The following SHANK2 variants were observed in gnomAD, a reference collection of about 807,000 sequenced individuals.
The protein encoded by SHANK2 is SH3 and multiple ankyrin repeat domains protein 2.
Under a neutral mutation model 133.7 loss-of-function variants are expected in SHANK2, and 43 were observed. That is an observed-to-expected ratio of 0.32 (90% CI 0.25 to 0.41). The LOEUF (loss-of-function observed/expected upper bound fraction) is 0.41, where lower values mean the gene tolerates loss of function less well. SHANK2 is among the 10% of genes least tolerant of loss of function. The pLI is 1.00. For missense variants in SHANK2, 1,994 were observed against 2,235.8 expected (o/e 0.89, Z 2.18); for synonymous variants, 1,017 against 952.8 (o/e 1.07, Z -1.24).
intron 14 of SHANK2, among the ~76,000 whole-genome samples, chr11:70,713,700 C>T (rs1434022755): frequency 6.6e-6 from 1 of 151,984 alleles, no homozygotes; most frequent in Non-Finnish European, 1.5e-5. Context: ...ACCGGGTGTC[C>T]GTCACAGCGC....
intron 2 of SHANK2, among the ~76,000 whole-genome samples, chr11:71,180,335 G>A (rs1399055089): frequency 6.6e-6 from 1 of 152,176 alleles, no homozygotes; most frequent in Non-Finnish European, 1.5e-5. Flanking sequence ...AAGAGGTACA[G>A]GATAGAAGGA....
chr11:70,624,146 C>T (rs2060871531), intron 17 of SHANK2, among the ~76,000 whole-genome samples: 1 of 152,136 alleles, frequency 6.6e-6, no homozygotes, highest in Non-Finnish European at 1.5e-5. Flanking sequence ...GAGCCTGCAG[C>T]CTCAGGAGGG....
At chr11:70,545,771 G>A (rs1193590447) in intron 17 of SHANK2, among the ~76,000 whole-genome samples, 1 of 152,216 alleles carries the variant, frequency 6.6e-6, no homozygotes, top group African/African-American at 2.4e-5. Context: ...TGCGGGCGAA[G>A]GGCCCAGTCC....
chr11:71,152,096 T>TAAAC (rs1419494925), intron 2 of SHANK2, among the ~76,000 whole-genome samples: 1 of 152,110 alleles, frequency 6.6e-6, no homozygotes, highest in Admixed American at 6.5e-5. Flanking sequence ...GTGAAATTTA[T>TAAAC]AAACATTGGA....
intron 17 of SHANK2, among the ~76,000 whole-genome samples, chr11:70,624,246 C>T (rs2060873119): frequency 6.6e-6 from 1 of 152,100 alleles, no homozygotes; most frequent in South Asian, 2.1e-4. Context: ...GGGCTGTCAC[C>T]TGCATGGTCT....
chr11:70,500,469 C>T lies in SHANK2; in HGVS notation c.2308+101G>A. On this transcript the variant is annotated intron_variant, in intron 21 of 25. Transcript: ENST00000601538. This position sits in a 1 kb window ranked among gnomAD's most constrained non-coding sequence, Gnocchi z 4.5. Reference sequence around the variant, plus strand: ...GACCCAGCAGGAGAAGCCAACAAGGCTTTGCGACACATTTGAGACTTCACG... The same window carrying T: ...GACCCAGCAGGAGAAGCCAACAAGGTTTTGCGACACATTTGAGACTTCACG... 1 of 1,507,754 alleles carries T rather than the reference C, an allele frequency of 6.6e-7. No homozygotes were observed. The highest frequency in any genetic ancestry group is 1.2e-5 in the South Asian group (1 of 83,212). 93.4% of individuals were successfully genotyped at this position (1,507,754 alleles called of 1,614,324 possible). A position where few individuals can be genotyped will look rare whatever the true frequency, so the allele number is the denominator to read the frequency against.
At chr11:70,845,674 G>A (rs995637574) in intron 11 of SHANK2, among the ~76,000 whole-genome samples, 1 of 152,136 alleles carries the variant, frequency 6.6e-6, no homozygotes, top group Non-Finnish European at 1.5e-5. Context: ...ATTGATTGAT[G>A]GAAAGACGAG....
intron 15 of SHANK2, among the ~76,000 whole-genome samples, chr11:70,679,514 G>C (rs782084065): frequency 6.6e-6 from 1 of 152,238 alleles, no homozygotes; most frequent in Non-Finnish European, 1.5e-5. Flanking sequence ...CAGCAGCGGA[G>C]GCTTCCAGCC....
At chr11:70,586,694 C>T (rs1285414907) in intron 17 of SHANK2, among the ~76,000 whole-genome samples, 2 of 152,226 alleles carry the variant, frequency 1.3e-5, no homozygotes, top group African/African-American at 4.8e-5. Context: ...ATTTCCTTCC[C>T]TTATTTATAT....
At chr11:70,653,452 AT>A (rs2061363677) in intron 17 of SHANK2, among the ~76,000 whole-genome samples, 1 of 144,294 alleles carries the variant, frequency 6.9e-6, no homozygotes, top group African/African-American at 2.6e-5. Context: ...AAACATATAT[AT>A]TTTTTTCAAG....
chr11:70,551,766 G>A (rs1473159119), intron 17 of SHANK2, among the ~76,000 whole-genome samples: 1 of 152,278 alleles, frequency 6.6e-6, no homozygotes, highest in Admixed American at 6.5e-5. Flanking sequence ...ACCTGGGGAT[G>A]TGGTGTCTCT....
chr11:70,497,423 G>C (rs536321528), intron 21 of SHANK2, among the ~76,000 whole-genome samples: 103 of 152,308 alleles, frequency 6.8e-4, no homozygotes, highest in African/African-American at 2.5e-3. Flanking sequence ...TGAATTGTTC[G>C]GTGACAGAAA....
At chr11:70,834,022 G>A (rs1948768862) in intron 11 of SHANK2, among the ~76,000 whole-genome samples, 1 of 152,190 alleles carries the variant, frequency 6.6e-6, no homozygotes, top group Non-Finnish European at 1.5e-5. Context: ...TTAAACCCTG[G>A]GCAAAACCCT....
chr11:70,558,898 G>A (rs990986562), intron 17 of SHANK2, among the ~76,000 whole-genome samples: 2 of 152,166 alleles, frequency 1.3e-5, no homozygotes, highest in African/African-American at 4.8e-5. Context: ...CGTTGGAGTC[G>A]GCCTGCAGCG....
At chr11:70,749,448 C>G (rs1946711794) in intron 14 of SHANK2, among the ~76,000 whole-genome samples, 1 of 148,374 alleles carries the variant, frequency 6.7e-6, no homozygotes, top group African/African-American at 2.5e-5. Context: ...TAAACATCCT[C>G]CAGAGGAATA....
At chr11:71,201,834 C>T (rs1230058498) in intron 2 of SHANK2, among the ~76,000 whole-genome samples, 2 of 152,168 alleles carry the variant, frequency 1.3e-5, no homozygotes, top group East Asian at 1.9e-4. Flanking sequence ...GGATGAGGCA[C>T]CTACTCCAGT....
At chr11:70,532,710 A>T (rs2059490775) in intron 17 of SHANK2, among the ~76,000 whole-genome samples, 1 of 152,150 alleles carries the variant, frequency 6.6e-6, no homozygotes. Flanking sequence ...AAGGTTCCTC[A>T]AAGAGTTAAA....
intron 17 of SHANK2, among the ~76,000 whole-genome samples, chr11:70,653,836 G>A (rs1339827607): frequency 2.0e-5 from 3 of 152,130 alleles, no homozygotes; most frequent in Non-Finnish European, 4.4e-5. Flanking sequence ...GTTTCACCAT[G>A]TTGGCCATGC....
intron 11 of SHANK2, among the ~76,000 whole-genome samples, chr11:70,889,968 G>A (rs1949814718): frequency 6.6e-6 from 1 of 152,172 alleles, no homozygotes; most frequent in Non-Finnish European, 1.5e-5. Context: ...GGAAAAGCCT[G>A]TTTTCCTGAG....
Sources: gnomAD v4.1 joint callset for allele counts (sites outside exome capture counted in the v4.1 genomes callset) on GRCh38, gnomAD v4.1.1 for gene constraint, Gnocchi (gnomAD v3.1) non-coding constraint, MANE v1.5 for transcripts, NCBI Gene and HGNC (gene_info 2026-07-23, HGNC 2026-07-21) for gene names.